Variants in ZNF714 observed in about 807,000 individuals in gnomAD.
ZNF714 encodes zinc finger protein 714.
In ZNF714, 32 loss-of-function variants were observed where a neutral mutation model predicts 46.2. The observed-to-expected ratio is 0.69, with a 90% CI of 0.52 to 0.93. The LOEUF (loss-of-function observed/expected upper bound fraction) is 0.93. Among genes scored for constraint, ZNF714 ranks in the 40% least tolerant of loss-of-function variants. The pLI is 0.00. For missense variants in ZNF714, 635 were observed against 646.3 expected (o/e 0.98, Z 0.19); for synonymous variants, 199 against 213.1 (o/e 0.93, Z 0.58).
chr19:21,097,906 A>G (rs540719894), intron 2 of ZNF714, among the ~76,000 whole-genome samples: 2 of 152,294 alleles, frequency 1.3e-5, no homozygotes, highest in South Asian at 4.1e-4. Flanking sequence ...TGATGTAAAT[A>G]TAGCACTCAA....
At position 21,117,028 on chromosome 19, in the gene ZNF714, T is replaced by C. The variant is rs750910491; in HGVS notation, c.364T>C (p.Tyr122His). The change falls in exon 5 of 5, where the codon TAT becomes CAT. Residue 122 changes from tyrosine (Y) to histidine (H), a missense_variant. Transcript: ENST00000456283. ...GAGCAAAATATTTCCATGTGATAAA[T>C]ATATAAAAGTCTTTCATAAAATTTT... ...TQSKIFPCDKYIKVFHKIFNS... is the reference protein window; with the variant it reads ...TQSKIFPCDKHIKVFHKIFNS... 2 of 1,613,088 alleles carry C rather than the reference T, an allele frequency of 1.2e-6. No individual in the cohort carries two copies. The highest frequency in any genetic ancestry group is 2.7e-5 in the African/African-American group (2 of 74,876).
intron 2 of ZNF714, among the ~76,000 whole-genome samples, chr19:21,092,030 C>T (rs1968920974): frequency 6.6e-6 from 1 of 152,058 alleles, no homozygotes; most frequent in Non-Finnish European, 1.5e-5. Flanking sequence ...GATTTGGTGC[C>T]AGAAGAAAGA....
rs1321367933 is a variant in ZNF714, at chr19:21,117,488, A to G, written c.824A>G (p.His275Arg). The G allele has an allele frequency of 9.3e-6, 15 of 1,610,340 alleles. No homozygotes were observed. Among genetic ancestry groups the G allele is most frequent in the African/African-American group, 2.7e-5 (2 of 74,962 alleles). The change falls in exon 5 of 5, where the codon CAT becomes CGT. Residue 275 changes from histidine to arginine, a missense_variant. Transcript: ENST00000456283. The stretch of plus-strand genomic sequence containing the variant: ...AACCACCCTTCAGCCCTTACTACAC[A>G]TAAGTTCATTCATGTTAAAGAAAAA... The part of the protein sequence containing the change: ...AFNHPSALTT[H>R]KFIHVKEKPY...
At chr19:21,085,075 C>T (rs1241777161) in intron 2 of ZNF714, among the ~76,000 whole-genome samples, 1 of 151,958 alleles carries the variant, frequency 6.6e-6, no homozygotes, top group Non-Finnish European at 1.5e-5. Context: ...TTTTTTATGG[C>T]TAGGTGAATT....
chr19:21,109,366 C>A, intron 4 of ZNF714, among the ~76,000 whole-genome samples: 1 of 152,024 alleles, frequency 6.6e-6, no homozygotes, highest in East Asian at 1.9e-4. Flanking sequence ...AAATATTTGC[C>A]ATCCCAAGCC....
intron 1 of ZNF714, 97 bp from the exon 2 acceptor site, chr19:21,083,880 GT>G: frequency 2.0e-6 from 1 of 510,242 alleles, no homozygotes. Context: ...CTGGTCGTGG[GT>G]TTCAGTACTG....
At chr19:21,083,839 G>T (rs906814996) in intron 1 of ZNF714, 139 bp from the exon 2 acceptor site, 1 of 244,568 alleles carries the variant, frequency 4.1e-6, no homozygotes. Context: ...TTTATGAGGT[G>T]ATGTGTCCTC....
chr19:21,082,325 A>G lies in ZNF714; in HGVS notation c.-200A>G, dbSNP rs888997399. 1.4e-5 allele frequency: 21 copies of G among 1,454,472 alleles called. No individual in the cohort carries two copies. Among genetic ancestry groups the G allele is most frequent in the Non-Finnish European group, 1.9e-5 (20 of 1,075,872 alleles). The allele number at this position is 1,454,472 out of a possible 1,614,324, so 90.1% of individuals were successfully genotyped here. On this transcript the variant is annotated 5_prime_UTR_variant, in exon 1 of 5. Transcript: ENST00000456283. The stretch of plus-strand genomic sequence containing the variant: ...TTGAGAGATCCACAGCTAAGACGCC[A>G]GGTACCCCGGAAGCCTAGAAATGGT...
At position 21,118,683 on chromosome 19, in the gene ZNF714, C is replaced by A; in HGVS notation, c.*351C>A. 4.8e-6 allele frequency: 1 copy of A among 208,314 alleles called. No individual in the cohort carries two copies. The highest frequency in any genetic ancestry group is 1.0e-5 in the Non-Finnish European group (1 of 99,172). 12.9% of individuals were successfully genotyped at this position (208,314 alleles called of 1,614,324 possible). On this transcript the variant is annotated 3_prime_UTR_variant, in exon 5 of 5. Transcript: ENST00000456283. ...AACCCTACGAGGGTGAAAAACATGG[C>A]AAAGCCTTTAACAAGCCCTCAATTC...
At chr19:21,082,959 T>C (rs1968691429) in intron 1 of ZNF714, among the ~76,000 whole-genome samples, 1 of 152,162 alleles carries the variant, frequency 6.6e-6, no homozygotes, top group African/African-American at 2.4e-5. Context: ...TGTAATTAGA[T>C]GTTAATTGGC....
intron 4 of ZNF714, among the ~76,000 whole-genome samples, chr19:21,102,166 A>G (rs1014460721): frequency 6.6e-6 from 1 of 152,110 alleles, no homozygotes; most frequent in East Asian, 1.9e-4. Flanking sequence ...AATCAAATAG[A>G]GCACCTTTTA....
At chr19:21,112,477 C>T (rs1375354580) in intron 4 of ZNF714, among the ~76,000 whole-genome samples, 1 of 150,600 alleles carries the variant, frequency 6.6e-6, no homozygotes, top group African/African-American at 2.4e-5. Context: ...ATTCATCTCT[C>T]TTTATAGCTA....
At chr19:21,112,436 A>G (rs1969467796) in intron 4 of ZNF714, among the ~76,000 whole-genome samples, 1 of 151,904 alleles carries the variant, frequency 6.6e-6, no homozygotes, top group Non-Finnish European at 1.5e-5. Flanking sequence ...CAGTGGTGAT[A>G]TCCCCTTTAT....
intron 4 of ZNF714, among the ~76,000 whole-genome samples, chr19:21,110,322 T>C (rs924699846): frequency 6.6e-6 from 1 of 152,250 alleles, no homozygotes; most frequent in African/African-American, 2.4e-5. Flanking sequence ...ATTGTAGTTT[T>C]GATTTGCATT....
At chr19:21,107,332 C>T (rs1013875014) in intron 4 of ZNF714, among the ~76,000 whole-genome samples, 4 of 152,162 alleles carry the variant, frequency 2.6e-5, no homozygotes, top group Middle Eastern at 3.4e-3. Flanking sequence ...CTCCGCCTCC[C>T]GGGTTCAAGC....
rs1324071139 is a variant in ZNF714 at position 21,082,273 on chromosome 19, C to T, written c.-252C>T. The stretch of plus-strand genomic sequence containing the variant: ...GTGTCCTCTGCTCGCAGAGGCCCAG[C>T]CTCTGTGGCCCTGTGACCTGCAGGT... On this transcript the variant is annotated 5_prime_UTR_variant, in exon 1 of 5. Coordinates refer to ENST00000456283, the MANE Select transcript of ZNF714 (RefSeq NM_182515.4). 45 of 1,409,528 alleles carry T rather than the reference C, an allele frequency of 3.2e-5. 1 individual carries two copies. Among genetic ancestry groups the T allele is most frequent in the Non-Finnish European group, 4.0e-5 (42 of 1,041,248 alleles). The allele number at this position is 1,409,528 out of a possible 1,614,324, so 87.3% of individuals were successfully genotyped here.
intron 2 of ZNF714, among the ~76,000 whole-genome samples, chr19:21,096,097 T>A (rs1250702471): frequency 2.6e-5 from 4 of 152,192 alleles, no homozygotes; most frequent in African/African-American, 9.6e-5. Flanking sequence ...CAGTGGCCCA[T>A]ATTTTCATAT....
rs950671414 is a variant in ZNF714, at chr19:21,116,727, G to T, written c.143-80G>T. 6.2e-6 allele frequency: 9 copies of T among 1,444,160 alleles called. No homozygotes were observed. The African/African-American group carries it at 1.3e-4, about 21-fold the overall frequency. The allele number at this position is 1,444,160 out of a possible 1,614,324, so 89.5% of individuals were successfully genotyped here. A position where few individuals can be genotyped will look rare whatever the true frequency, so the allele number is the denominator to read the frequency against. On this transcript the variant is annotated intron_variant, in intron 4 of 4. Coordinates refer to ENST00000456283, the MANE Select transcript of ZNF714 (RefSeq NM_182515.4). ...TTATGGCATCTTGCTTATGTAGTTT[G>T]TATAATATAGGTTAGATTTGTAAAG...
At chr19:21,089,112 C>T (rs1225521141) in intron 2 of ZNF714, among the ~76,000 whole-genome samples, 1 of 152,020 alleles carries the variant, frequency 6.6e-6, no homozygotes, top group Non-Finnish European at 1.5e-5. Context: ...CCTGATACCC[C>T]CAAAAGTAAA....
Sources: allele counts gnomAD v4.1 joint callset (sites outside exome capture counted in the v4.1 genomes callset), GRCh38; gene constraint gnomAD v4.1.1; transcripts MANE v1.5; gene names NCBI Gene and HGNC (gene_info 2026-07-23, HGNC 2026-07-21).